The following CCDC7 variants were observed in gnomAD, a reference collection of about 807,000 sequenced individuals.
CCDC7 encodes coiled-coil domain containing 7.
In CCDC7, 183 loss-of-function variants were observed where a neutral mutation model predicts 196.9. The observed-to-expected ratio is 0.93, with a 90% CI of 0.82 to 1.05. The LOEUF (loss-of-function observed/expected upper bound fraction) is 1.05, where lower values mean the gene tolerates loss of function less well. Ranked by LOEUF, CCDC7 falls within the 50% of genes least tolerant of loss-of-function variation. The pLI, the probability that CCDC7 is intolerant of heterozygous loss-of-function variation, is 0.00. For missense variants in CCDC7, 1,540 were observed against 1,482.2 expected, an observed-to-expected ratio of 1.04 and a Z score of -0.64; for synonymous variants, 525 against 484.6, an observed-to-expected ratio of 1.08 and a Z score of -1.10.
chr10:32,640,929 G>T (rs1308597116), intron 20 of CCDC7, among the ~76,000 whole-genome samples: 4 of 128,312 alleles, frequency 3.1e-5, no homozygotes, highest in Non-Finnish European at 6.3e-5. Context: ...CATTGTGCAG[G>T]TTAGTTACAT....
intron 9 of CCDC7, among the ~76,000 whole-genome samples, chr10:32,502,415 T>G (rs1337513911): frequency 6.6e-6 from 1 of 152,138 alleles, no homozygotes; most frequent in Non-Finnish European, 1.5e-5. Context: ...CCTATTGAGA[T>G]GTACTGGGTA....
intron 13 of CCDC7, among the ~76,000 whole-genome samples, chr10:32,548,524 C>T (rs1003606796): frequency 2.0e-5 from 3 of 152,128 alleles, no homozygotes; most frequent in Non-Finnish European, 4.4e-5. Flanking sequence ...TTTAAAATGG[C>T]GGACAAAGAA....
At chr10:32,530,794 T>C (rs2049521803) in intron 11 of CCDC7, among the ~76,000 whole-genome samples, 1 of 152,184 alleles carries the variant, frequency 6.6e-6, no homozygotes, top group South Asian at 2.1e-4. Flanking sequence ...TCCAGTGTTA[T>C]GTTTAATAAA....
At chr10:32,867,797 T>G (rs1448417273) in intron 41 of CCDC7, among the ~76,000 whole-genome samples, 4 of 152,038 alleles carry the variant, frequency 2.6e-5, no homozygotes, top group Admixed American at 1.3e-4. Flanking sequence ...TTTTAACCAT[T>G]TTTAAGTGTA....
chr10:32,781,815 A>G (rs948356855), intron 29 of CCDC7, among the ~76,000 whole-genome samples: 4 of 152,244 alleles, frequency 2.6e-5, no homozygotes, highest in African/African-American at 9.6e-5. Context: ...CAGTTAGAAT[A>G]GAAGACAGGT....
At chr10:32,650,969 C>T (rs774119932) in intron 20 of CCDC7, among the ~76,000 whole-genome samples, 2 of 152,118 alleles carry the variant, frequency 1.3e-5, no homozygotes, top group African/African-American at 2.4e-5. Context: ...TGCCCCAGTC[C>T]CACAGAGAAG....
chr10:32,455,924 T>C (rs2034237994), intron 2 of CCDC7, among the ~76,000 whole-genome samples: 1 of 152,132 alleles, frequency 6.6e-6, no homozygotes, highest in Non-Finnish European at 1.5e-5. Flanking sequence ...TGGTAATGAT[T>C]ACCTTTTATT....
chr10:32,725,487 C>T (rs1436582631), intron 25 of CCDC7: 1 of 436,450 alleles, frequency 2.3e-6, no homozygotes, highest in Non-Finnish European at 4.7e-6. Flanking sequence ...ACTTCTTATC[C>T]TTATTGAATT....
At chr10:32,807,361 G>T (rs2086053363) in intron 30 of CCDC7, among the ~76,000 whole-genome samples, 1 of 152,000 alleles carries the variant, frequency 6.6e-6, no homozygotes, top group East Asian at 1.9e-4. Context: ...TAGCACACAG[G>T]CGATGGTTGA....
intron 23 of CCDC7, among the ~76,000 whole-genome samples, chr10:32,690,377 A>T (rs528158323): frequency 6.6e-6 from 1 of 152,328 alleles, no homozygotes; most frequent in East Asian, 1.9e-4. Context: ...ATGTTTTCCA[A>T]CTTATTCTAT....
chr10:32,594,956 T>G (rs2060166972), intron 18 of CCDC7, among the ~76,000 whole-genome samples: 1 of 152,218 alleles, frequency 6.6e-6, no homozygotes, highest in African/African-American at 2.4e-5. Flanking sequence ...TTTGCCAGTA[T>G]TTTATTGAGT....
At chr10:32,549,571 A>T (rs1229003131) in intron 13 of CCDC7, among the ~76,000 whole-genome samples, 1 of 152,172 alleles carries the variant, frequency 6.6e-6, no homozygotes, top group Non-Finnish European at 1.5e-5. Context: ...TCCTTAACCC[A>T]CCTTAAGTTG....
intron 20 of CCDC7, among the ~76,000 whole-genome samples, chr10:32,658,859 T>A (rs914859867): frequency 2.0e-5 from 3 of 152,222 alleles, no homozygotes; most frequent in Admixed American, 6.5e-5. Flanking sequence ...ATAATAGTCA[T>A]AATTTTTTGT....
At chr10:32,538,780 C>T (rs897578002) in intron 11 of CCDC7, among the ~76,000 whole-genome samples, 1 of 151,990 alleles carries the variant, frequency 6.6e-6, no homozygotes, top group Non-Finnish European at 1.5e-5. Context: ...TTTGGTGAAT[C>T]AGATTTATTG....
At chr10:32,785,121 G>GA (rs528244811) in intron 29 of CCDC7, among the ~76,000 whole-genome samples, 66 of 152,158 alleles carry the variant, frequency 4.3e-4, no homozygotes, top group African/African-American at 7.0e-4. Flanking sequence ...AAATATTGCA[G>GA]AAAAAAACTA....
chr10:32,609,981 G>C (rs2061925418), intron 18 of CCDC7, among the ~76,000 whole-genome samples: 1 of 152,092 alleles, frequency 6.6e-6, no homozygotes, highest in Non-Finnish European at 1.5e-5. Flanking sequence ...TGTCCTGGGT[G>C]AGATGGAGTG....
chr10:32,716,523 G>A (rs1008834537), intron 25 of CCDC7, among the ~76,000 whole-genome samples: 1 of 152,196 alleles, frequency 6.6e-6, no homozygotes, highest in Non-Finnish European at 1.5e-5. Flanking sequence ...ACATCATGAT[G>A]ACAGGATCAA....
At chr10:32,586,534 C>T (rs2059297247) in intron 18 of CCDC7, among the ~76,000 whole-genome samples, 1 of 152,130 alleles carries the variant, frequency 6.6e-6, no homozygotes, top group Non-Finnish European at 1.5e-5. Context: ...TTTAATCCAT[C>T]TCGAGTTAAT....
chr10:32,698,844 A>G (rs2078159367), intron 24 of CCDC7, among the ~76,000 whole-genome samples: 1 of 152,192 alleles, frequency 6.6e-6, no homozygotes. Context: ...AATTCAGGAA[A>G]CACAGAGAAC....
Sources: allele counts gnomAD v4.1 joint callset (sites outside exome capture counted in the v4.1 genomes callset), GRCh38; gene constraint gnomAD v4.1.1; transcripts MANE v1.5; gene names NCBI Gene and HGNC (gene_info 2026-07-23, HGNC 2026-07-21).